VNN1: variants seen among roughly 807,000 people sequenced by gnomAD.
VNN1 encodes the protein pantetheinase.
VNN1 carries 29 observed loss-of-function variants against 41.9 expected under a neutral mutation model. The ratio of observed to expected loss-of-function variants is 0.69; its 90% CI spans 0.52 to 0.94. VNN1 has a LOEUF of 0.94. Among genes scored for constraint, VNN1 ranks in the 40% least tolerant of loss-of-function variants. VNN1 has a pLI of 0.00. For synonymous variants in VNN1, 233 were observed against 224.4 expected, an observed-to-expected ratio of 1.04 and a Z score of -0.34; for missense variants, 637 against 621.1, an observed-to-expected ratio of 1.03 and a Z score of -0.27.
chr6:132,688,224 A>G (rs1778233147), intron 5 of VNN1, among the ~76,000 whole-genome samples: 1 of 152,294 alleles, frequency 6.6e-6, no homozygotes, highest in African/African-American at 2.4e-5. Context: ...TTGAATTAAC[A>G]TAAGGCTATA....
chr6:132,711,022 C>T (rs1778591356), intron 2 of VNN1, among the ~76,000 whole-genome samples: 1 of 152,214 alleles, frequency 6.6e-6, no homozygotes, highest in African/African-American at 2.4e-5. Flanking sequence ...TCCACATCCT[C>T]TCCAGCATCT....
chr6:132,711,388 A>C (rs1170163682), intron 2 of VNN1, among the ~76,000 whole-genome samples: 1 of 152,080 alleles, frequency 6.6e-6, no homozygotes, highest in African/African-American at 2.4e-5. Context: ...AACTGATGTG[A>C]CTCTCTTTTG....
intron 2 of VNN1, among the ~76,000 whole-genome samples, chr6:132,706,444 G>T (rs562932505): frequency 3.7e-4 from 56 of 152,290 alleles, no homozygotes; most frequent in African/African-American, 1.3e-3. Context: ...GGGAAAACCA[G>T]ATACCCATAT....
At chr6:132,686,612 G>A (rs561705465) in intron 5 of VNN1, among the ~76,000 whole-genome samples, 47 of 152,254 alleles carry the variant, frequency 3.1e-4, no homozygotes, top group Admixed American at 1.4e-3. Flanking sequence ...CGATTTCCCC[G>A]CAGCAAAAGG....
Position 132,682,324 on chromosome 6 carries a change from A to T in VNN1, c.*816T>A, listed in dbSNP as rs1165349663. 1 of 152,264 alleles carries T rather than the reference A, an allele frequency of 6.6e-6. No homozygotes were observed. The highest frequency in any genetic ancestry group is 1.5e-5 in the Non-Finnish European group (1 of 68,080). The allele number at this position is 152,264 out of a possible 1,614,324, so 9.4% of individuals were successfully genotyped here. Reference sequence around the variant, plus strand: ...AGTAGTGGTGGGGAGAGGAACAGGAATGGGTCTTTGATTCATTTGCCAGGG... The same window carrying T: ...AGTAGTGGTGGGGAGAGGAACAGGATTGGGTCTTTGATTCATTTGCCAGGG... On this transcript the variant is annotated 3_prime_UTR_variant, in exon 7 of 7. Transcript: ENST00000367928.
intron 2 of VNN1, among the ~76,000 whole-genome samples, chr6:132,696,313 A>G (rs1018644934): frequency 6.6e-6 from 1 of 152,224 alleles, no homozygotes; most frequent in Non-Finnish European, 1.5e-5. Flanking sequence ...ATATTAAAGA[A>G]AATTGAACAG....
intron 2 of VNN1, 54 bp downstream of exon 2, chr6:132,711,655 C>T: frequency 6.3e-7 from 1 of 1,577,090 alleles, no homozygotes; most frequent in Non-Finnish European, 8.6e-7. Flanking sequence ...AAAGTTTTCC[C>T]AGGTAAATCA....
At chr6:132,704,494 A>T (rs1454955427) in intron 2 of VNN1, among the ~76,000 whole-genome samples, 6 of 152,134 alleles carry the variant, frequency 3.9e-5, no homozygotes, top group African/African-American at 9.6e-5. Flanking sequence ...GAAGAAATTT[A>T]AAATTTTTAT....
chr6:132,694,557 A>G (rs1470460516), intron 2 of VNN1, among the ~76,000 whole-genome samples: 2 of 152,332 alleles, frequency 1.3e-5, no homozygotes, highest in African/African-American at 2.4e-5. Flanking sequence ...GAAGAGAGGC[A>G]TTAAAAAATA....
At chr6:132,713,054 G>A (rs541794057) in intron 1 of VNN1, among the ~76,000 whole-genome samples, 36 of 152,298 alleles carry the variant, frequency 2.4e-4, no homozygotes, top group African/African-American at 8.4e-4. Flanking sequence ...AGAATCACCT[G>A]AGCCCGGGAA....
At chr6:132,711,921 C>T in intron 1 of VNN1, 82 bp from the exon 2 acceptor site, 5 of 1,467,262 alleles carry the variant, frequency 3.4e-6, no homozygotes, top group Non-Finnish European at 4.6e-6. Context: ...ACTATTTGGG[C>T]TTCCCCCACA....
intron 2 of VNN1, among the ~76,000 whole-genome samples, chr6:132,711,251 C>G (rs1271963864): frequency 1.3e-5 from 2 of 152,154 alleles, no homozygotes; most frequent in African/African-American, 4.8e-5. Flanking sequence ...TAGCCGAGAC[C>G]TGACTTAAAC....
At chr6:132,703,312 T>C (rs990372939) in intron 2 of VNN1, among the ~76,000 whole-genome samples, 3 of 152,082 alleles carry the variant, frequency 2.0e-5, no homozygotes, top group Non-Finnish European at 2.9e-5. Flanking sequence ...GTAGAAAAAC[T>C]AAAAGATGAA....
At chr6:132,703,776 G>GA (rs924803824) in intron 2 of VNN1, among the ~76,000 whole-genome samples, 4 of 151,388 alleles carry the variant, frequency 2.6e-5, no homozygotes, top group Admixed American at 6.6e-5. Flanking sequence ...GGATAAAAAA[G>GA]AAAAAAAATC....
chr6:132,684,270 G>T, intron 6 of VNN1, 65 bp downstream of exon 6: 4 of 1,502,776 alleles, frequency 2.7e-6, no homozygotes, highest in East Asian at 2.3e-5. Flanking sequence ...CACTTGAGCA[G>T]ATTTTTATAT....
intron 2 of VNN1, among the ~76,000 whole-genome samples, chr6:132,704,572 G>C (rs1778491843): frequency 6.6e-6 from 1 of 151,948 alleles, no homozygotes; most frequent in African/African-American, 2.4e-5. Flanking sequence ...GTTCTAAGAG[G>C]AAAGTTTATA....
intron 4 of VNN1, 29 bp from the exon 5 acceptor site, chr6:132,692,613 T>A: frequency 6.5e-7 from 1 of 1,526,840 alleles, no homozygotes; most frequent in Non-Finnish European, 8.7e-7. Context: ...AAACATCATT[T>A]GAAATTGGAA....
At chr6:132,688,322 C>T (rs923957699) in intron 5 of VNN1, among the ~76,000 whole-genome samples, 5 of 152,120 alleles carry the variant, frequency 3.3e-5, no homozygotes, top group African/African-American at 1.2e-4. Flanking sequence ...TTTTCCCAGA[C>T]TCTGCTGGTA....
intron 2 of VNN1, among the ~76,000 whole-genome samples, chr6:132,703,200 C>T (rs763435691): frequency 1.6e-4 from 24 of 152,008 alleles, no homozygotes; most frequent in Non-Finnish European, 3.1e-4. Flanking sequence ...CATCAATAAC[C>T]AATAAGAAAG....
Sources: gnomAD v4.1 joint callset for allele counts (sites outside exome capture counted in the v4.1 genomes callset) on GRCh38, gnomAD v4.1.1 for gene constraint, MANE v1.5 for transcripts, NCBI Gene and HGNC (gene_info 2026-07-23, HGNC 2026-07-21) for gene names.